The following PRKCB variants were observed in gnomAD, a reference collection of about 807,000 sequenced individuals.
The protein encoded by PRKCB is protein kinase C beta type.
In PRKCB, 13 loss-of-function variants were observed where a neutral mutation model predicts 81.5. That is an observed-to-expected ratio of 0.16 (90% confidence interval 0.10 to 0.25). The LOEUF (loss-of-function observed/expected upper bound fraction) is 0.25. PRKCB is among the 10% of genes least tolerant of loss of function. The pLI is 1.00. For synonymous variants in PRKCB, 335 were observed against 321.4 expected, an observed-to-expected ratio of 1.04 and a Z score of -0.45; for missense variants, 509 against 875.7, an observed-to-expected ratio of 0.58 and a Z score of 5.29.
At chr16:24,070,728 G>A (rs9929918) in intron 5 of PRKCB, among the ~76,000 whole-genome samples, 23,923 of 152,044 alleles carry the variant, frequency 0.16, 3,715 homozygotes, top group African/African-American at 0.4. Context: ...CCAAGCCTCC[G>A]CAGCCAGGAA....
chr16:24,193,474 AAT>A (rs1567408563), intron 16 of PRKCB, among the ~76,000 whole-genome samples: 6 of 149,226 alleles, frequency 4.0e-5, no homozygotes, highest in Admixed American at 1.3e-4. Context: ...TAAATAAATA[AAT>A]AAATAAATAA....
At chr16:24,167,563 A>G (rs1012948652) in intron 10 of PRKCB, among the ~76,000 whole-genome samples, 7 of 151,300 alleles carry the variant, frequency 4.6e-5, no homozygotes, top group Admixed American at 6.6e-5. Context: ...CTGCCACAGA[A>G]AAAAAAAAAC....
rs567040457 is a variant in PRKCB at position 24,040,868 on chromosome 16, A to C, written c.529+5321A>C. On this transcript the variant is annotated intron_variant, in intron 5 of 16. Coordinates refer to ENST00000643927, the MANE Select transcript of PRKCB (RefSeq NM_002738.7). ...CTGAGACCCGCTTGTTGGAGTCATG[A>C]CCACCCTTGTTCCCTGGACAATGTA... Among the ~76,000 whole-genome samples the C allele has an allele frequency of 4.3e-4, 65 of 152,252 alleles. 1 individual carries two copies. The highest frequency in any genetic ancestry group is 4.4e-4 in the Non-Finnish European group (30 of 68,024).
intron 2 of PRKCB, among the ~76,000 whole-genome samples, chr16:23,906,646 T>A (rs1030664078): frequency 6.6e-6 from 1 of 152,176 alleles, no homozygotes; most frequent in African/African-American, 2.4e-5. Context: ...AACTTCTTTT[T>A]TTTTGCATTT....
intron 3 of PRKCB, among the ~76,000 whole-genome samples, chr16:24,018,998 G>A (rs1253406015): frequency 6.6e-6 from 1 of 152,010 alleles, no homozygotes; most frequent in African/African-American, 2.4e-5. Context: ...CAGTACTGAT[G>A]TGTTACTCAC....
At chr16:23,896,177 GA>G (rs916672999) in intron 2 of PRKCB, among the ~76,000 whole-genome samples, 20 of 149,120 alleles carry the variant, frequency 1.3e-4, no homozygotes, top group African/African-American at 3.7e-4. Flanking sequence ...CAGAATTTAT[GA>G]AAAAAAATAA....
chr16:23,869,293 GA>G, intron 2 of PRKCB: 1 of 317,576 alleles, frequency 3.1e-6, no homozygotes, highest in Non-Finnish European at 6.4e-6. Context: ...TCCTGGGATG[GA>G]AAAGACACAG....
At chr16:23,837,529 C>A in intron 2 of PRKCB, 123 bp downstream of exon 2, 2 of 1,228,330 alleles carry the variant, frequency 1.6e-6, no homozygotes, top group Non-Finnish European at 2.3e-6. Flanking sequence ...ACCTCCCAGG[C>A]TAGGAATTCT....
chr16:24,026,783 C>T (rs139687313), intron 3 of PRKCB, among the ~76,000 whole-genome samples: 5 of 152,276 alleles, frequency 3.3e-5, no homozygotes, highest in East Asian at 3.9e-4. Flanking sequence ...GACCCAGTAG[C>T]GTCCTGGGAG....
At chr16:24,016,317 G>C (rs1032871040) in intron 3 of PRKCB, among the ~76,000 whole-genome samples, 3 of 152,118 alleles carry the variant, frequency 2.0e-5, no homozygotes. Flanking sequence ...GTGAAAGCTA[G>C]AAATACATCT....
intron 10 of PRKCB, among the ~76,000 whole-genome samples, chr16:24,165,534 G>T (rs538096922): frequency 7.2e-5 from 11 of 152,338 alleles, no homozygotes; most frequent in Admixed American, 6.5e-4. Context: ...ATTGGCTCTG[G>T]ATTGCCTCTG....
At chr16:23,968,050 C>G (rs1964511382) in intron 2 of PRKCB, among the ~76,000 whole-genome samples, 1 of 152,206 alleles carries the variant, frequency 6.6e-6, no homozygotes, top group African/African-American at 2.4e-5. Context: ...CCACCACTCC[C>G]TGTTGTGCTT....
intron 2 of PRKCB, among the ~76,000 whole-genome samples, chr16:23,847,318 C>CTCTA (rs746347042): frequency 1.2e-4 from 18 of 144,142 alleles, no homozygotes; most frequent in Admixed American, 4.9e-4. Flanking sequence ...ATGATCCTGC[C>CTCTA]TCTATCTATC....
intron 3 of PRKCB, among the ~76,000 whole-genome samples, chr16:24,006,958 A>G (rs562054568): frequency 6.6e-6 from 1 of 152,200 alleles, no homozygotes; most frequent in Non-Finnish European, 1.5e-5. Flanking sequence ...ACCTGAAGAG[A>G]TAGAGATCAG....
At chr16:23,916,357 C>T (rs1002262403) in intron 2 of PRKCB, among the ~76,000 whole-genome samples, 1 of 151,610 alleles carries the variant, frequency 6.6e-6, no homozygotes, top group Non-Finnish European at 1.5e-5. Flanking sequence ...GCACCATGCT[C>T]GATATTGCAG....
chr16:24,158,602 GTA>G (rs1388840007), intron 10 of PRKCB, among the ~76,000 whole-genome samples: 9 of 151,642 alleles, frequency 5.9e-5, no homozygotes, highest in African/African-American at 1.2e-4. Flanking sequence ...ATATGTGTGT[GTA>G]TGTGTGTGTG....
At chr16:24,073,773 T>C (rs1966144591) in intron 5 of PRKCB, among the ~76,000 whole-genome samples, 1 of 152,154 alleles carries the variant, frequency 6.6e-6, no homozygotes, top group South Asian at 2.1e-4. Flanking sequence ...AGATGCTATT[T>C]TGGGGGTAAA....
At chr16:24,131,938 G>C (rs545282237) in intron 9 of PRKCB, among the ~76,000 whole-genome samples, 1 of 152,186 alleles carries the variant, frequency 6.6e-6, no homozygotes, top group African/African-American at 2.4e-5. Flanking sequence ...ATTCGTGTGC[G>C]TACCTGGAAG....
intron 2 of PRKCB, among the ~76,000 whole-genome samples, chr16:23,953,152 A>G (rs139178853): frequency 1.3e-5 from 2 of 152,282 alleles, no homozygotes; most frequent in Non-Finnish European, 2.9e-5. Context: ...GAAGGTACGC[A>G]GTCAATGAAT....
Sources: allele counts gnomAD v4.1 joint callset (sites outside exome capture counted in the v4.1 genomes callset), GRCh38; gene constraint gnomAD v4.1.1; transcripts MANE v1.5; gene names NCBI Gene and HGNC (gene_info 2026-07-23, HGNC 2026-07-21).